Variants in ESR1 observed in about 807,000 individuals in gnomAD.
ESR1 encodes estrogen receptor.
ESR1 carries 12 observed loss-of-function variants against 52.7 expected under a neutral mutation model. The ratio of observed to expected loss-of-function variants is 0.23; its 90% CI spans 0.15 to 0.37. ESR1 has a LOEUF of 0.37. ESR1 is among the 10% of genes least tolerant of loss of function. The probability of loss-of-function intolerance (pLI) is 1.00; values close to 1 mark genes in which losing one functional copy is unlikely to be tolerated. For synonymous variants in ESR1, 305 were observed against 316.8 expected (o/e 0.96, Z 0.39); for missense variants, 584 against 779.7 (o/e 0.75, Z 2.99).
chr6:151,727,403 T>C (rs1229603510), intron 2 of ESR1, among the ~76,000 whole-genome samples: 1 of 152,086 alleles, frequency 6.6e-6, no homozygotes, highest in Non-Finnish European at 1.5e-5. Flanking sequence ...GGTTTCCCCA[T>C]GTTGGCCAGG....
intron 4 of ESR1, among the ~76,000 whole-genome samples, chr6:151,967,247 A>G (rs970086421): frequency 1.3e-5 from 2 of 152,136 alleles, no homozygotes; most frequent in East Asian, 3.9e-4. Flanking sequence ...GGTTTGTTAC[A>G]TAGGTATATA....
intron 3 of ESR1, among the ~76,000 whole-genome samples, chr6:151,885,447 T>C (rs944054139): frequency 2.0e-5 from 3 of 152,228 alleles, no homozygotes; most frequent in African/African-American, 7.2e-5. Flanking sequence ...CTGAGTTTGG[T>C]AGAAAGAGGA....
intron 4 of ESR1, among the ~76,000 whole-genome samples, chr6:151,986,145 A>T (rs1001815372): frequency 1.3e-5 from 2 of 152,062 alleles, no homozygotes; most frequent in South Asian, 4.1e-4. Flanking sequence ...AAGGGATGTG[A>T]CTGTCCTTCT....
intron 3 of ESR1, among the ~76,000 whole-genome samples, chr6:151,943,847 G>A (rs953057212): frequency 2.2e-4 from 33 of 152,124 alleles, no homozygotes; most frequent in Admixed American, 2.2e-3. Context: ...GTTTGTATGG[G>A]CTCACCAAAG....
chr6:151,754,249 C>T (rs1247333254), intron 2 of ESR1, among the ~76,000 whole-genome samples: 1 of 151,492 alleles, frequency 6.6e-6, no homozygotes, highest in East Asian at 1.9e-4. Flanking sequence ...ATAGTTAAAC[C>T]TCCTGTTGTT....
intron 6 of ESR1, among the ~76,000 whole-genome samples, chr6:152,074,393 T>C (rs1015870531): frequency 2.0e-5 from 3 of 152,168 alleles, no homozygotes. Flanking sequence ...GCATTTAAGG[T>C]TCTTCCATGT....
chr6:152,037,133 G>A (rs1483912188), intron 5 of ESR1, among the ~76,000 whole-genome samples: 2 of 152,126 alleles, frequency 1.3e-5, no homozygotes, highest in Non-Finnish European at 2.9e-5. Flanking sequence ...TAGAGCAATA[G>A]CATCGGCTTA....
At chr6:152,119,497 T>C (rs1201320625) in intron 6 of ESR1, among the ~76,000 whole-genome samples, 2 of 152,214 alleles carry the variant, frequency 1.3e-5, no homozygotes, top group Non-Finnish European at 2.9e-5. Flanking sequence ...ACTTTTCTAA[T>C]ATTTCCCATT....
chr6:151,964,209 T>C (rs1362243807), intron 4 of ESR1, among the ~76,000 whole-genome samples: 1 of 152,188 alleles, frequency 6.6e-6, no homozygotes, highest in Non-Finnish European at 1.5e-5. Context: ...CTGTGAAAAA[T>C]GGCATTGGAA....
chr6:151,977,672 G>A (rs916718612), intron 4 of ESR1, among the ~76,000 whole-genome samples: 5 of 152,006 alleles, frequency 3.3e-5, no homozygotes, highest in East Asian at 1.9e-4. Context: ...GTGGGTGCCT[G>A]TATTCCCAGC....
chr6:151,966,771 C>A (rs2038316960), intron 4 of ESR1, among the ~76,000 whole-genome samples: 1 of 152,044 alleles, frequency 6.6e-6, no homozygotes, highest in Non-Finnish European at 1.5e-5. Context: ...AAGAGCACAC[C>A]CTTATCCACA....
chr6:151,816,168 C>A (rs780401155), intron 1 of ESR1, among the ~76,000 whole-genome samples: 1 of 152,134 alleles, frequency 6.6e-6, no homozygotes, highest in Non-Finnish European at 1.5e-5. Flanking sequence ...ATGCTGTGAC[C>A]AAAGGCTCCC....
In ESR1 at chr6:152,099,273, C is replaced by A. The variant is rs1050634979; in HGVS notation, c.*307C>A. On this transcript the variant is annotated 3_prime_UTR_variant, in exon 8 of 8. Transcript: ENST00000206249. ...GCTGAACTCAGTCTATGGGTTGGGG[C>A]TCAGATAACTCTGTGCATTTAAGCT... 9 of 471,840 alleles carry A rather than the reference C, an allele frequency of 1.9e-5. No individual in the cohort carries two copies. The highest frequency in any genetic ancestry group is 3.3e-5 in the Admixed American group (1 of 29,932). 29.2% of individuals were successfully genotyped at this position (471,840 alleles called of 1,614,324 possible). A position where few individuals can be genotyped will look rare whatever the true frequency, so the allele number is the denominator to read the frequency against.
At chr6:151,917,322 A>G (rs1254411951) in intron 3 of ESR1, among the ~76,000 whole-genome samples, 3 of 152,194 alleles carry the variant, frequency 2.0e-5, no homozygotes, top group Admixed American at 6.5e-5. Context: ...CAGAATGCCA[A>G]CCAGTAGGAG....
In ESR1 at chr6:152,061,133, A is replaced by G; in HGVS notation, c.1369+9A>G. Reference sequence around the variant, plus strand: ...TATTTTGCTTAATTCTGGTGAGTTGATAACACAAGATAACTCAATGCTGGA... The same window carrying G: ...TATTTTGCTTAATTCTGGTGAGTTGGTAACACAAGATAACTCAATGCTGGA... On this transcript the variant is annotated intron_variant, in intron 6 of 7. Transcript: ENST00000206249. This position sits in a 1 kb window ranked among gnomAD's most constrained non-coding sequence, Gnocchi z 4.3. 1 of 1,612,394 alleles carries G rather than the reference A, an allele frequency of 6.2e-7. No homozygotes were observed. Among genetic ancestry groups the G allele is most frequent in the Middle Eastern group, 1.7e-4 (1 of 6,056 alleles).
intron 5 of ESR1, among the ~76,000 whole-genome samples, chr6:152,027,069 CGAT>C (rs1426858154): frequency 1.3e-5 from 2 of 151,798 alleles, no homozygotes; most frequent in Non-Finnish European, 2.9e-5. Context: ...CGGGTTCCAG[CGAT>C]TCTCCTGCCT....
rs1469884352 is a variant in ESR1, at chr6:152,101,870, A to G, written c.*2904A>G. 1 of 222,846 alleles carries G rather than the reference A, an allele frequency of 4.5e-6. No homozygotes were observed. Among genetic ancestry groups the G allele is most frequent in the Admixed American group, 5.7e-5 (1 of 17,416 alleles). The allele number at this position is 222,846 out of a possible 1,614,324, so 13.8% of individuals were successfully genotyped here. A position where few individuals can be genotyped will look rare whatever the true frequency, so the allele number is the denominator to read the frequency against. On this transcript the variant is annotated 3_prime_UTR_variant, in exon 8 of 8. Transcript: ENST00000206249. ...GTCCACTTCTGCCCTGGAGACCACA[A>G]ATCAACTAGCTCCATTTACAGCCAT...
intron 2 of ESR1, among the ~76,000 whole-genome samples, chr6:151,779,454 T>C (rs141886990): frequency 0.018 from 2,750 of 152,240 alleles, 37 homozygotes; most frequent in Non-Finnish European, 0.029. Context: ...ATTAGAGAAA[T>C]GAAAATCAAA....
chr6:151,665,941 C>G, intron 1 of ESR1, among the ~76,000 whole-genome samples: 1 of 152,268 alleles, frequency 6.6e-6, no homozygotes, highest in East Asian at 1.9e-4. Flanking sequence ...CCTCGTATCA[C>G]TTAAAAATTA....
Sources: allele counts gnomAD v4.1 joint callset (sites outside exome capture counted in the v4.1 genomes callset), GRCh38; gene constraint gnomAD v4.1.1; non-coding constraint Gnocchi (gnomAD v3.1); transcripts MANE v1.5; gene names NCBI Gene and HGNC (gene_info 2026-07-23, HGNC 2026-07-21).